The following DNAI4 variants were observed in gnomAD, a reference collection of about 807,000 sequenced individuals.
The protein encoded by DNAI4 is WD repeat domain 78.
In DNAI4, 85 loss-of-function variants were observed where a neutral mutation model predicts 105.8. The observed-to-expected ratio is 0.80, with a 90% confidence interval of 0.67 to 0.96. DNAI4 has a LOEUF of 0.96. Ranked by LOEUF, DNAI4 falls within the 40% of genes least tolerant of loss-of-function variation. The pLI is 0.00. For missense variants in DNAI4, 1,014 were observed against 1,005.6 expected (o/e 1.01, Z -0.11); for synonymous variants, 352 against 331.5 (o/e 1.06, Z -0.67).
At chr1:66,923,018 A>G (rs1650625014) in intron 1 of DNAI4, among the ~76,000 whole-genome samples, 1 of 152,194 alleles carries the variant, frequency 6.6e-6, no homozygotes, top group Non-Finnish European at 1.5e-5. Flanking sequence ...TCACATATAC[A>G]ATGGTGATCT....
rs372989663 is a variant in DNAI4, at chr1:66,857,637, C to T, written c.1096+4510G>A. Reference sequence around the variant, plus strand: ...ACAACCTCTGCCTCCCAGGTTCAAGCGATTCTCCTGCCTCAGCCTCCCGAA... The same window carrying T: ...ACAACCTCTGCCTCCCAGGTTCAAGTGATTCTCCTGCCTCAGCCTCCCGAA... On this transcript the variant is annotated intron_variant, in intron 7 of 16. Coordinates refer to ENST00000371026, the MANE Select transcript of DNAI4 (RefSeq NM_024763.5). Among the ~76,000 whole-genome samples, 180 of 151,614 alleles carry T rather than the reference C, an allele frequency of 1.2e-3. 5 individuals are homozygous for T. In the South Asian group the frequency reaches 0.034, roughly 28 times the overall value.
intron 3 of DNAI4, among the ~76,000 whole-genome samples, chr1:66,893,011 G>GAA (rs1647868430): frequency 6.8e-5 from 7 of 102,276 alleles, no homozygotes; most frequent in African/African-American, 2.4e-4. Flanking sequence ...GAAAGAGAGA[G>GAA]AGGAAAGAAA....
chr1:66,829,051 G>C (rs1216108498), intron 13 of DNAI4, among the ~76,000 whole-genome samples: 1 of 152,182 alleles, frequency 6.6e-6, no homozygotes, highest in Non-Finnish European at 1.5e-5. Context: ...AAACAGGAAT[G>C]GGCAGATATT....
intron 5 of DNAI4, among the ~76,000 whole-genome samples, chr1:66,873,653 T>A (rs1453887251): frequency 1.3e-5 from 2 of 152,188 alleles, no homozygotes; most frequent in East Asian, 1.9e-4. Context: ...CTAGGATCAG[T>A]TGAGATAATT....
At chr1:66,846,864 A>AT (rs1646287262) in intron 8 of DNAI4, among the ~76,000 whole-genome samples, 1 of 152,200 alleles carries the variant, frequency 6.6e-6, no homozygotes, top group African/African-American at 2.4e-5. Context: ...TTAAAGGTTG[A>AT]TTAAGATAAT....
intron 1 of DNAI4, among the ~76,000 whole-genome samples, chr1:66,914,032 T>C: frequency 1.4e-5 from 2 of 148,058 alleles, no homozygotes; most frequent in Non-Finnish European, 3.0e-5. Flanking sequence ...TGACACACAG[T>C]GGAGTCCTGT....
chr1:66,921,266 G>C (rs778967680), intron 1 of DNAI4: 2 of 152,214 alleles, frequency 1.3e-5, no homozygotes, highest in Non-Finnish European at 2.9e-5. Flanking sequence ...TGAACAATCA[G>C]CAGTTATTTT....
intron 16 of DNAI4, among the ~76,000 whole-genome samples, chr1:66,821,013 A>G (rs1175927737): frequency 6.6e-6 from 1 of 151,104 alleles, no homozygotes; most frequent in Non-Finnish European, 1.5e-5. Context: ...ATTTTATTAA[A>G]TTTATAAACA....
intron 4 of DNAI4, among the ~76,000 whole-genome samples, chr1:66,882,469 T>G (rs537249198): frequency 6.6e-6 from 1 of 152,178 alleles, no homozygotes; most frequent in African/African-American, 2.4e-5. Flanking sequence ...ATGATCCATT[T>G]TGAGTTAATT....
intron 14 of DNAI4, 77 bp from the exon 15 acceptor site, chr1:66,827,123 T>C: frequency 7.8e-7 from 1 of 1,274,364 alleles, no homozygotes; most frequent in Non-Finnish European, 1.1e-6. Context: ...AAATTAAAAA[T>C]GCTAAGATTT....
intron 8 of DNAI4, among the ~76,000 whole-genome samples, chr1:66,842,007 C>G (rs984323368): frequency 2.0e-5 from 3 of 152,186 alleles, no homozygotes; most frequent in Admixed American, 6.5e-5. Context: ...GGTCCCTCGT[C>G]CCTGGAAACT....
intron 8 of DNAI4, among the ~76,000 whole-genome samples, chr1:66,844,084 C>CAAAAA (rs55925419): frequency 0.053 from 3,470 of 66,064 alleles, 580 homozygotes; most frequent in Non-Finnish European, 0.069. Context: ...ACTGGAGATT[C>CAAAAA]AAAAAAAAAA....
intron 4 of DNAI4, among the ~76,000 whole-genome samples, chr1:66,889,836 T>A (rs1438811529): frequency 1.3e-5 from 2 of 152,186 alleles, no homozygotes; most frequent in Non-Finnish European, 1.5e-5. Context: ...CTTCCCCTAC[T>A]TCTTCTCCAA....
At chr1:66,834,429 T>C (rs1398980038) in intron 11 of DNAI4, among the ~76,000 whole-genome samples, 2 of 152,080 alleles carry the variant, frequency 1.3e-5, no homozygotes, top group Non-Finnish European at 2.9e-5. Context: ...AAAGCAAAAA[T>C]GTTCTTTCTT....
At position 66,869,073 on chromosome 1, in the gene DNAI4, A is replaced by AAAAT. The variant is rs547848121; in HGVS notation, c.940+2293_940+2296dup. The stretch of plus-strand genomic sequence containing the variant: ...TGGCGACAGAGTGAGACTCTGTCTC[A>AAAAT]AAATAAATAAATAAATAAATAAATA... On this transcript the variant is annotated intron_variant, in intron 6 of 16. Coordinates refer to ENST00000371026, the MANE Select transcript of DNAI4 (RefSeq NM_024763.5). Among the ~76,000 whole-genome samples, 1,395 of 148,736 alleles carry AAAAT rather than the reference A, an allele frequency of 9.4e-3. 7 individuals carry two copies. The highest frequency in any genetic ancestry group is 0.012 in the African/African-American group (459 of 39,510).
chr1:66,830,958 CAG>C (rs1252781466), intron 13 of DNAI4, among the ~76,000 whole-genome samples: 1 of 118,558 alleles, frequency 8.4e-6, no homozygotes, highest in East Asian at 2.3e-4. Flanking sequence ...GCCTAGATGA[CAG>C]AGTGAGACTC....
intron 6 of DNAI4, among the ~76,000 whole-genome samples, chr1:66,869,130 TATAC>T (rs1646790660): frequency 6.6e-6 from 1 of 151,074 alleles, no homozygotes; most frequent in African/African-American, 2.4e-5. Flanking sequence ...TATATATATA[TATAC>T]ATATTCTATT....
chr1:66,832,759 A>G (rs973988219), intron 13 of DNAI4, among the ~76,000 whole-genome samples: 1 of 152,174 alleles, frequency 6.6e-6, no homozygotes, highest in Non-Finnish European at 1.5e-5. Flanking sequence ...GCATGCCTGT[A>G]TCAAAACATC....
At position 66,847,683 on chromosome 1, in the gene DNAI4, A is replaced by ATGATACAATGAT. The variant is rs747046765; in HGVS notation, c.1097-6_1097-5insATCATTGTATCA. On this transcript the variant is annotated splice_region_variant and splice_polypyrimidine_tract_variant and intron_variant, in intron 7 of 16. Transcript: ENST00000371026. ...TTAGAGAACTAGTTTCACTATCTAC[A>ATGATACAATGAT]AAATACAAACATGATACAATGATAA... The ATGATACAATGAT allele has an allele frequency of 6.3e-7, 1 of 1,583,400 alleles. No homozygotes were observed. The highest frequency in any genetic ancestry group is 1.8e-5 in the Admixed American group (1 of 55,820).
Sources: allele counts gnomAD v4.1 joint callset (sites outside exome capture counted in the v4.1 genomes callset), GRCh38; gene constraint gnomAD v4.1.1; transcripts MANE v1.5; gene names NCBI Gene and HGNC (gene_info 2026-07-23, HGNC 2026-07-21).